The following PPP2R2B variants were observed in gnomAD, a reference collection of about 807,000 sequenced individuals.
The protein encoded by PPP2R2B is serine/threonine-protein phosphatase 2A 55 kDa regulatory subunit B beta isoform.
Under a neutral mutation model 46.0 loss-of-function variants are expected in PPP2R2B, and 5 were observed. The ratio of observed to expected loss-of-function variants is 0.11; its 90% CI spans 0.06 to 0.23. The LOEUF (loss-of-function observed/expected upper bound fraction) is 0.23. Ranked by LOEUF, PPP2R2B falls within the 10% of genes least tolerant of loss-of-function variation. The probability of loss-of-function intolerance (pLI) is 1.00; values close to 1 mark genes in which losing one functional copy is unlikely to be tolerated. For missense variants in PPP2R2B, 367 were observed against 575.0 expected (o/e 0.64, Z 3.70); for synonymous variants, 215 against 206.7 (o/e 1.04, Z -0.34).
At chr5:146,768,946 T>C (rs1459388827) in intron 2 of PPP2R2B, among the ~76,000 whole-genome samples, 2 of 151,484 alleles carry the variant, frequency 1.3e-5, no homozygotes, top group Non-Finnish European at 2.9e-5. Flanking sequence ...TGAGGCTGAA[T>C]TGCTCACTTT....
At chr5:146,677,449 G>T (rs1325748563) in intron 5 of PPP2R2B, among the ~76,000 whole-genome samples, 2 of 151,702 alleles carry the variant, frequency 1.3e-5, no homozygotes, top group African/African-American at 4.8e-5. Context: ...GTTTGTTTGC[G>T]GTTCAGGATT....
intron 5 of PPP2R2B, among the ~76,000 whole-genome samples, chr5:146,684,540 G>A (rs1778371259): frequency 6.6e-6 from 1 of 152,054 alleles, no homozygotes; most frequent in South Asian, 2.1e-4. Flanking sequence ...TTTATAAATG[G>A]GATAATCACA....
chr5:146,640,473 C>G (rs1775131020), intron 6 of PPP2R2B, among the ~76,000 whole-genome samples: 1 of 152,236 alleles, frequency 6.6e-6, no homozygotes, highest in African/African-American at 2.4e-5. Context: ...CAGCCACTGA[C>G]CCATGCCCTG....
chr5:146,677,828 C>T (rs747997893), intron 5 of PPP2R2B, among the ~76,000 whole-genome samples: 3 of 152,064 alleles, frequency 2.0e-5, no homozygotes, highest in Non-Finnish European at 2.9e-5. Flanking sequence ...ACTCCTGGCC[C>T]GCTGTGACTA....
At chr5:146,958,823 C>G (rs2151840428) in intron 1 of PPP2R2B, among the ~76,000 whole-genome samples, 1 of 152,254 alleles carries the variant, frequency 6.6e-6, no homozygotes, top group South Asian at 2.1e-4. Context: ...GAACTTAGCT[C>G]TTTGTATGTA....
chr5:146,652,760 A>AC (rs5871984), intron 5 of PPP2R2B, among the ~76,000 whole-genome samples: 43 of 151,642 alleles, frequency 2.8e-4, no homozygotes, highest in East Asian at 9.8e-4. Context: ...AGGAGGCAAC[A>AC]CCCCCCCCCA....
At chr5:146,962,525 C>T (rs1752218837) in intron 1 of PPP2R2B, among the ~76,000 whole-genome samples, 1 of 151,828 alleles carries the variant, frequency 6.6e-6, no homozygotes, top group Admixed American at 6.6e-5. Flanking sequence ...GGCGTGGTGG[C>T]ACACACCTGT....
chr5:147,032,245 T>C (rs12109778), intron 1 of PPP2R2B, among the ~76,000 whole-genome samples: 3,789 of 152,056 alleles, frequency 0.025, 95 homozygotes, highest in African/African-American at 0.056. Context: ...AGGACATGAA[T>C]AGACAATTCT....
At chr5:146,962,092 C>T (rs1752195871) in intron 1 of PPP2R2B, among the ~76,000 whole-genome samples, 1 of 146,210 alleles carries the variant, frequency 6.8e-6, no homozygotes, top group Non-Finnish European at 1.5e-5. Flanking sequence ...AACATCCCTG[C>T]CCCCATACTC....
chr5:146,842,061 T>C (rs1213374443), intron 2 of PPP2R2B, among the ~76,000 whole-genome samples: 3 of 152,182 alleles, frequency 2.0e-5, no homozygotes, highest in African/African-American at 4.8e-5. Context: ...GCCACATCAC[T>C]GTGAAGCCAA....
chr5:146,746,789 T>C (rs896005957), intron 2 of PPP2R2B, among the ~76,000 whole-genome samples: 42 of 152,212 alleles, frequency 2.8e-4, no homozygotes, highest in Admixed American at 2.0e-3. Context: ...TCATTAATCA[T>C]AACATTCTGA....
chr5:146,908,693 C>T (rs887100823), intron 1 of PPP2R2B, among the ~76,000 whole-genome samples: 1 of 152,066 alleles, frequency 6.6e-6, no homozygotes. Flanking sequence ...TTCCCAAAGG[C>T]CCTACACTAG....
At chr5:146,819,396 G>T (rs918819184) in intron 2 of PPP2R2B, among the ~76,000 whole-genome samples, 4 of 152,176 alleles carry the variant, frequency 2.6e-5, no homozygotes, top group African/African-American at 9.7e-5. Flanking sequence ...GAACACTGGG[G>T]TGGGATGGGA....
intron 6 of PPP2R2B, among the ~76,000 whole-genome samples, chr5:146,642,946 A>G (rs1207148997): frequency 6.6e-6 from 1 of 152,144 alleles, no homozygotes; most frequent in East Asian, 1.9e-4. Flanking sequence ...AGTTCCAGCT[A>G]CTGGGGAGGC....
Position 146,802,198 on chromosome 5 carries a change from G to T in PPP2R2B, c.70+75804C>A, listed in dbSNP as rs565527511. On this transcript the variant is annotated intron_variant, in intron 2 of 9. Transcript: ENST00000394411. ...TCCCAGTTTCACGCCCCCTTTTCTCGCATCCAGAGTCTTATTTCCCAAATT... is the reference window on the plus strand; with the variant it reads ...TCCCAGTTTCACGCCCCCTTTTCTCTCATCCAGAGTCTTATTTCCCAAATT... Among the ~76,000 whole-genome samples the T allele has an allele frequency of 2.6e-5, 4 of 152,132 alleles. No homozygotes were observed. In the South Asian group the frequency reaches 8.3e-4, roughly 32 times the overall value.
chr5:146,897,350 G>A (rs1410440298), intron 1 of PPP2R2B, among the ~76,000 whole-genome samples: 1 of 152,186 alleles, frequency 6.6e-6, no homozygotes, highest in Non-Finnish European at 1.5e-5. Context: ...ACCCTGGGTG[G>A]ATACAATAAA....
chr5:146,588,641 T>G lies in PPP2R2B; in HGVS notation c.*1306A>C, dbSNP rs909967542. On this transcript the variant is annotated 3_prime_UTR_variant, in exon 10 of 10. Transcript: ENST00000394411. ...TCCTAGGGGTGTGCCACATAGAACC[T>G]TCTGGAAATGGCTTTCTAGAAGTTA... The G allele has an allele frequency of 1.3e-5, 2 of 152,200 alleles. No individual in the cohort carries two copies. The highest frequency in any genetic ancestry group is 2.9e-5 in the Non-Finnish European group (2 of 68,038). The allele number at this position is 152,200 out of a possible 1,614,324, so 9.4% of individuals were successfully genotyped here. A position where few individuals can be genotyped will look rare whatever the true frequency, so the allele number is the denominator to read the frequency against.
chr5:146,915,654 T>C (rs1763360538), intron 1 of PPP2R2B, among the ~76,000 whole-genome samples: 2 of 152,200 alleles, frequency 1.3e-5, no homozygotes, highest in African/African-American at 2.4e-5. Flanking sequence ...TAATATTTCC[T>C]TAACGACTGA....
chr5:146,646,206 G>A (rs1431465581), intron 6 of PPP2R2B, among the ~76,000 whole-genome samples: 2 of 152,056 alleles, frequency 1.3e-5, no homozygotes, highest in African/African-American at 4.8e-5. Flanking sequence ...ATTTATCATC[G>A]TTGAGGGCTA....
Sources: gnomAD v4.1 joint callset for allele counts (sites outside exome capture counted in the v4.1 genomes callset) on GRCh38, gnomAD v4.1.1 for gene constraint, MANE v1.5 for transcripts, NCBI Gene and HGNC (gene_info 2026-07-23, HGNC 2026-07-21) for gene names.